The following MYO16 variants were observed in gnomAD, a reference collection of about 807,000 sequenced individuals.
MYO16 encodes unconventional myosin-XVI.
Under a neutral mutation model 205.3 loss-of-function variants are expected in MYO16, and 94 were observed. The ratio of observed to expected loss-of-function variants is 0.46; its 90% confidence interval spans 0.39 to 0.54. The LOEUF is 0.54. Ranked by LOEUF, MYO16 falls within the 20% of genes least tolerant of loss-of-function variation. The pLI is 0.00. For missense variants in MYO16, 2,315 were observed against 2,387.5 expected, an observed-to-expected ratio of 0.97 and a Z score of 0.63; for synonymous variants, 988 against 954.0, an observed-to-expected ratio of 1.04 and a Z score of -0.66.
intron 28 of MYO16, among the ~76,000 whole-genome samples, chr13:109,115,989 A>G (rs1189298201): frequency 6.6e-6 from 1 of 152,190 alleles, no homozygotes; most frequent in Admixed American, 6.5e-5. Flanking sequence ...AAACAAACAA[A>G]AAACAGCAAA....
chr13:108,628,079 A>G (rs1879816534), upstream of MYO16, among the ~76,000 whole-genome samples: 1 of 152,182 alleles, frequency 6.6e-6, no homozygotes, highest in South Asian at 2.1e-4. Flanking sequence ...GGAAACAGAT[A>G]TAGTTGTGTC....
upstream of MYO16, among the ~76,000 whole-genome samples, chr13:108,593,221 CA>C (rs1210041667): frequency 3.3e-5 from 5 of 152,096 alleles, no homozygotes; most frequent in African/African-American, 1.2e-4. Context: ...GAACACATAG[CA>C]GCATTAAAAT....
At chr13:108,731,452 C>T (rs1884519590) in intron 4 of MYO16, among the ~76,000 whole-genome samples, 1 of 152,172 alleles carries the variant, frequency 6.6e-6, no homozygotes. Context: ...GTGTTCTACA[C>T]TTGTATTACA....
intron 4 of MYO16, among the ~76,000 whole-genome samples, chr13:108,757,190 TA>T (rs2139648899): frequency 6.6e-6 from 1 of 152,344 alleles, no homozygotes; most frequent in African/African-American, 2.4e-5. Flanking sequence ...GCATGGTTCA[TA>T]AAAGCATTTT....
At chr13:108,587,666 T>A in the MYO16 span, among the ~76,000 whole-genome samples, 4 of 152,142 alleles carry the variant, frequency 2.6e-5, no homozygotes, top group African/African-American at 7.2e-5. Context: ...AGAATAAAAA[T>A]TCATATGTAA....
the MYO16 span, among the ~76,000 whole-genome samples, chr13:108,501,764 T>A: frequency 1.3e-5 from 2 of 152,216 alleles, no homozygotes; most frequent in Non-Finnish European, 2.9e-5. Flanking sequence ...ATAAAGAATG[T>A]GTGACCGACT....
chr13:108,870,395 T>G (rs774670462), intron 12 of MYO16, among the ~76,000 whole-genome samples: 12 of 152,072 alleles, frequency 7.9e-5, no homozygotes, highest in Non-Finnish European at 1.5e-4. Context: ...ATTATGCTAG[T>G]TTCATAAAGA....
At chr13:108,811,678 C>A (rs1887297916) in intron 7 of MYO16, among the ~76,000 whole-genome samples, 1 of 152,140 alleles carries the variant, frequency 6.6e-6, no homozygotes, top group African/African-American at 2.4e-5. Flanking sequence ...TAACAGAACA[C>A]TGAGCCTACA....
chr13:109,078,118 T>C (rs1177560562), intron 27 of MYO16, among the ~76,000 whole-genome samples: 1 of 152,072 alleles, frequency 6.6e-6, no homozygotes, highest in South Asian at 2.1e-4. Context: ...GAAGTTTAAT[T>C]TGGATCCCTT....
At chr13:108,811,192 A>C (rs9587694) in intron 7 of MYO16, among the ~76,000 whole-genome samples, 88,263 of 152,072 alleles carry the variant, frequency 0.58, 28,403 homozygotes, top group Non-Finnish European at 0.73. Context: ...CATACATCTT[A>C]ATGTTTAAAA....
chr13:108,699,688 G>A (rs1162545271), intron 2 of MYO16, among the ~76,000 whole-genome samples: 5 of 152,042 alleles, frequency 3.3e-5, no homozygotes, highest in East Asian at 1.9e-4. Flanking sequence ...CCTGATTCCC[G>A]CCAGACAATT....
chr13:108,633,464 T>A (rs1880079964), intron 1 of MYO16, among the ~76,000 whole-genome samples: 3 of 152,198 alleles, frequency 2.0e-5, no homozygotes, highest in South Asian at 2.1e-4. Context: ...GAGAAAGATG[T>A]AGGCTGGAAG....
intron 34 of MYO16, among the ~76,000 whole-genome samples, chr13:109,183,689 A>T (rs905754244): frequency 6.6e-6 from 1 of 152,288 alleles, no homozygotes; most frequent in African/African-American, 2.4e-5. Flanking sequence ...CCAAGTTTTT[A>T]AAAATATTCT....
chr13:108,872,317 A>C (rs1257396831), intron 12 of MYO16, among the ~76,000 whole-genome samples: 3 of 152,160 alleles, frequency 2.0e-5, no homozygotes, highest in Non-Finnish European at 4.4e-5. Context: ...TATTAGCCAA[A>C]CTTTAACATA....
intron 4 of MYO16, among the ~76,000 whole-genome samples, chr13:108,741,084 G>C (rs1442882356): frequency 2.6e-5 from 4 of 152,126 alleles, no homozygotes; most frequent in Admixed American, 6.5e-5. Context: ...GTGCTTCCCA[G>C]GTGAAGCAAT....
chr13:108,851,144 CT>C (rs2139089694), intron 10 of MYO16, among the ~76,000 whole-genome samples: 2 of 152,264 alleles, frequency 1.3e-5, no homozygotes, highest in East Asian at 1.9e-4. Flanking sequence ...TTTATGATTT[CT>C]TTAGGAGTTA....
intron 12 of MYO16, among the ~76,000 whole-genome samples, chr13:108,871,356 G>GTGTGTCTGTGTGTC (rs1555307587): frequency 3.9e-5 from 5 of 127,660 alleles, no homozygotes; most frequent in African/African-American, 1.4e-4. Flanking sequence ...GTGTGTGTGT[G>GTGTGTCTGTGTGTC]TGTGTGTCTG....
At chr13:109,082,917 T>A (rs1278782127) in intron 27 of MYO16, among the ~76,000 whole-genome samples, 1 of 152,180 alleles carries the variant, frequency 6.6e-6, no homozygotes, top group Non-Finnish European at 1.5e-5. Context: ...TATATGCGTA[T>A]GAATATAAGA....
At chr13:108,632,935 G>T (rs1425481115) in intron 1 of MYO16, among the ~76,000 whole-genome samples, 2 of 152,164 alleles carry the variant, frequency 1.3e-5, no homozygotes, top group African/African-American at 2.4e-5. Context: ...ATGAACTGAA[G>T]CGGAGGCTTG....
Sources: allele counts gnomAD v4.1 joint callset (sites outside exome capture counted in the v4.1 genomes callset), GRCh38; gene constraint gnomAD v4.1.1; transcripts MANE v1.5; gene names NCBI Gene and HGNC (gene_info 2026-07-23, HGNC 2026-07-21).